Variants in PLEKHA3 observed in about 807,000 individuals in gnomAD.
PLEKHA3 encodes the protein pleckstrin homology domain-containing family A member 3.
Under a neutral mutation model 39.2 loss-of-function variants are expected in PLEKHA3, and 19 were observed. The observed-to-expected ratio is 0.48, with a 90% CI of 0.34 to 0.71. The LOEUF is 0.71. Among genes scored for constraint, PLEKHA3 ranks in the 30% least tolerant of loss-of-function variants. PLEKHA3 has a pLI of 0.01. For synonymous variants in PLEKHA3, 97 were observed against 118.6 expected (o/e 0.82, Z 1.18); for missense variants, 253 against 359.5 (o/e 0.70, Z 2.40).
In PLEKHA3 at chr2:178,516,155, G is replaced by T. The variant is rs946884193; in HGVS notation, c.*12268G>T. The T allele has an allele frequency of 6.6e-6, 1 of 151,768 alleles. No individual in the cohort carries two copies. Among genetic ancestry groups the T allele is most frequent in the African/African-American group, 2.4e-5 (1 of 41,354 alleles). 9.4% of individuals were successfully genotyped at this position (151,768 alleles called of 1,614,324 possible). A position where few individuals can be genotyped will look rare whatever the true frequency, so the allele number is the denominator to read the frequency against. ...AAGTGAAAAATTTGTAAGTTTAGAA[G>T]TTAAGAAATTGGAAATAATGGAATT... On this transcript the variant is annotated 3_prime_UTR_variant, in exon 8 of 8. Transcript: ENST00000234453.
intron 5 of PLEKHA3, among the ~76,000 whole-genome samples, chr2:178,497,434 G>A (rs1011406412): frequency 8.6e-5 from 13 of 151,994 alleles, no homozygotes; most frequent in African/African-American, 3.1e-4. Context: ...GTTTCACCAT[G>A]TTAGCCAGGA....
At chr2:178,495,416 C>T in intron 4 of PLEKHA3, 80 bp from the exon 5 acceptor site, 1 of 1,324,432 alleles carries the variant, frequency 7.6e-7, no homozygotes, top group African/African-American at 1.5e-5. Context: ...TTGGAGATGT[C>T]TTATTATTTA....
At chr2:178,485,208 G>C (rs962210661) in intron 1 of PLEKHA3, among the ~76,000 whole-genome samples, 1 of 152,206 alleles carries the variant, frequency 6.6e-6, no homozygotes, top group African/African-American at 2.4e-5. Flanking sequence ...TTTGTCCCCA[G>C]GGTATGATTA....
At chr2:178,503,028 A>C (rs1289760232) in intron 7 of PLEKHA3, among the ~76,000 whole-genome samples, 1 of 152,052 alleles carries the variant, frequency 6.6e-6, no homozygotes, top group African/African-American at 2.4e-5. Context: ...TTACTCAAAA[A>C]TATTCTTCTT....
chr2:178,484,152 T>C (rs1267581163), intron 1 of PLEKHA3, among the ~76,000 whole-genome samples: 1 of 152,232 alleles, frequency 6.6e-6, no homozygotes, highest in Admixed American at 6.5e-5. Context: ...CATTTATTTA[T>C]TCAGTCACTT....
chr2:178,490,608 C>T (rs1003629202), intron 2 of PLEKHA3, 51 bp from the exon 3 acceptor site: 2 of 1,543,442 alleles, frequency 1.3e-6, no homozygotes, highest in Middle Eastern at 1.7e-4. Flanking sequence ...TTTGATTACC[C>T]TTAAATTACT....
At chr2:178,484,339 T>G (rs1401215003) in intron 1 of PLEKHA3, among the ~76,000 whole-genome samples, 2 of 152,194 alleles carry the variant, frequency 1.3e-5, no homozygotes, top group Non-Finnish European at 1.5e-5. Flanking sequence ...AACCTGAAAG[T>G]TGCTGGTTTT....
chr2:178,506,063 A>C lies in PLEKHA3; in HGVS notation c.*2176A>C, dbSNP rs1004239786. 10 of 152,120 alleles carry C rather than the reference A, an allele frequency of 6.6e-5. No homozygotes were observed. The highest frequency in any genetic ancestry group is 2.9e-5 in the Non-Finnish European group (2 of 67,996). The allele number at this position is 152,120 out of a possible 1,614,324, so 9.4% of individuals were successfully genotyped here. Reference sequence around the variant, plus strand: ...GCATTTTGAGGAGTCCTTTATTTTCAAGTGTGCCTGACTTTTTTGAATTTT... The same window carrying C: ...GCATTTTGAGGAGTCCTTTATTTTCCAGTGTGCCTGACTTTTTTGAATTTT... On this transcript the variant is annotated 3_prime_UTR_variant, in exon 8 of 8. Transcript: ENST00000234453.
At chr2:178,499,165 A>G (rs1021757534) in intron 5 of PLEKHA3, 46 bp from the exon 6 acceptor site, 2 of 1,540,208 alleles carry the variant, frequency 1.3e-6, no homozygotes, top group Non-Finnish European at 1.8e-6. Flanking sequence ...ATTCTACTTG[A>G]CATATGGATT....
At chr2:178,500,061 T>C (rs1244920024) in intron 6 of PLEKHA3, among the ~76,000 whole-genome samples, 1 of 152,134 alleles carries the variant, frequency 6.6e-6, no homozygotes, top group Non-Finnish European at 1.5e-5. Context: ...CGTTTAAAAA[T>C]TTTACCTTCT....
chr2:178,489,208 T>C (rs1685304736), intron 2 of PLEKHA3, among the ~76,000 whole-genome samples: 1 of 152,170 alleles, frequency 6.6e-6, no homozygotes, highest in Non-Finnish European at 1.5e-5. Flanking sequence ...CATTCATAAT[T>C]GATTGTTGCA....
intron 1 of PLEKHA3, chr2:178,481,806 G>A (rs1575140793): frequency 7.0e-6 from 1 of 143,142 alleles, no homozygotes; most frequent in East Asian, 2.3e-4. Flanking sequence ...GTGAGAAGAT[G>A]GTTTTAACAT....
chr2:178,502,305 A>G (rs1174078191), intron 7 of PLEKHA3: 2 of 375,840 alleles, frequency 5.3e-6, no homozygotes, highest in Admixed American at 3.9e-5. Flanking sequence ...GCACTATTCT[A>G]TGCTCATTAA....
chr2:178,496,785 A>C (rs1575145534), intron 5 of PLEKHA3, among the ~76,000 whole-genome samples: 1 of 151,220 alleles, frequency 6.6e-6, no homozygotes, highest in Non-Finnish European at 1.5e-5. Flanking sequence ...CACCATCATA[A>C]CTCACTGCAG....
At position 178,503,897 on chromosome 2, in the gene PLEKHA3, A is replaced by G. The variant is rs998257239; in HGVS notation, c.*10A>G. The G allele has an allele frequency of 2.5e-6, 4 of 1,610,798 alleles. No individual in the cohort carries two copies. In the Admixed American group the frequency reaches 6.7e-5, roughly 27 times the overall value. ...ATCCTTCTCTTCCTGAAGAAACTGA[A>G]GTGTCCAACTTCCTCTAAGTATTGC... On this transcript the variant is annotated 3_prime_UTR_variant, in exon 8 of 8. Transcript: ENST00000234453.
rs373385557 is a variant in PLEKHA3 at position 178,482,717 on chromosome 2, T to C, written c.40+1808T>C. Among the ~76,000 whole-genome samples the C allele has an allele frequency of 1.5e-3, 221 of 152,258 alleles. 5 individuals carry two copies. In the South Asian group the frequency reaches 0.022, roughly 15 times the overall value. ...AACCTGGGCTTGGTGGCGATTTCCT[T>C]ATCTCCTATGGTACTAAATAACCAG... On this transcript the variant is annotated intron_variant, in intron 1 of 7. Coordinates refer to ENST00000234453, the MANE Select transcript of PLEKHA3 (RefSeq NM_019091.4).
At position 178,480,677 on chromosome 2, in the gene PLEKHA3, A is replaced by G. The variant is rs1023958685; in HGVS notation, c.-193A>G. The G allele has an allele frequency of 3.5e-5, 13 of 373,260 alleles. No homozygotes were observed. Among genetic ancestry groups the G allele is most frequent in the Non-Finnish European group, 6.0e-5 (13 of 216,924 alleles). The allele number at this position is 373,260 out of a possible 1,614,324, so 23.1% of individuals were successfully genotyped here. A position where few individuals can be genotyped will look rare whatever the true frequency, so the allele number is the denominator to read the frequency against. ...TCTGGGCCCGCGCCTCGCGGCCCCC[A>G]AGCTCCACGCTGCGCCCGCTGTCCC... On this transcript the variant is annotated 5_prime_UTR_variant, in exon 1 of 8. Coordinates refer to ENST00000234453, the MANE Select transcript of PLEKHA3 (RefSeq NM_019091.4).
chr2:178,485,338 G>A (rs947430910), intron 1 of PLEKHA3, among the ~76,000 whole-genome samples: 1 of 152,164 alleles, frequency 6.6e-6, no homozygotes, highest in Admixed American at 6.5e-5. Flanking sequence ...TGCTATACCC[G>A]GTTTAGGGCT....
chr2:178,508,141 A>C lies in PLEKHA3; in HGVS notation c.*4254A>C, dbSNP rs966041307. On this transcript the variant is annotated 3_prime_UTR_variant, in exon 8 of 8. Transcript: ENST00000234453. ...ATTTTCTTTGTTCTATCTTTCTAGA[A>C]TTTCTGTTATTTGAATGTTGGACCT... The C allele has an allele frequency of 6.7e-6, 1 of 149,978 alleles. No individual in the cohort carries two copies. Among genetic ancestry groups the C allele is most frequent in the Non-Finnish European group, 1.5e-5 (1 of 67,108 alleles). The allele number at this position is 149,978 out of a possible 1,614,324, so 9.3% of individuals were successfully genotyped here. A position where few individuals can be genotyped will look rare whatever the true frequency, so the allele number is the denominator to read the frequency against.
Sources: allele counts gnomAD v4.1 joint callset (sites outside exome capture counted in the v4.1 genomes callset), GRCh38; gene constraint gnomAD v4.1.1; transcripts MANE v1.5; gene names NCBI Gene and HGNC (gene_info 2026-07-23, HGNC 2026-07-21).